OR7C1: variants seen among roughly 807,000 people sequenced by gnomAD.
OR7C1 encodes the protein olfactory receptor family 7 subfamily C member 1.
For missense variants in OR7C1, 324 were observed against 383.3 expected (o/e 0.85, Z 1.29); for synonymous variants, 152 against 160.7 (o/e 0.95, Z 0.41).
At chr19:14,832,351 A>T (rs1242948695) in intron 1 of OR7C1, among the ~76,000 whole-genome samples, 1 of 151,698 alleles carries the variant, frequency 6.6e-6, no homozygotes, top group African/African-American at 2.4e-5. Flanking sequence ...GTTACCATGG[A>T]TGTTCACTTA....
At chr19:14,829,874 T>A (rs898694154) in intron 1 of OR7C1, among the ~76,000 whole-genome samples, 1 of 152,124 alleles carries the variant, frequency 6.6e-6, no homozygotes, top group African/African-American at 2.4e-5. Flanking sequence ...CACACACATA[T>A]ACACATGCAG....
chr19:14,799,003 C>A lies in OR7C1; in HGVS notation c.*171G>T, dbSNP rs74705300. 9.7e-3 allele frequency: 6,825 copies of A among 701,014 alleles called. 102 individuals are homozygous for A. The highest frequency in any genetic ancestry group is 0.053 in the African/African-American group (2,866 of 54,514). 43.4% of individuals were successfully genotyped at this position (701,014 alleles called of 1,614,324 possible). A position where few individuals can be genotyped will look rare whatever the true frequency, so the allele number is the denominator to read the frequency against. On this transcript the variant is annotated 3_prime_UTR_variant, in exon 5 of 5. Coordinates refer to ENST00000641666, the Ensembl canonical transcript of OR7C1. ...GGGCTGCTTTTTGTTAACGGGGAAA[C>A]CTTGCCAAGGACTCTGTGGCCCTCC...
At chr19:14,807,441 C>A (rs1259563295) in intron 2 of OR7C1, among the ~76,000 whole-genome samples, 1 of 151,888 alleles carries the variant, frequency 6.6e-6, no homozygotes, top group Non-Finnish European at 1.5e-5. Flanking sequence ...TGATGGGAAT[C>A]CTGGAATCCT....
At chr19:14,816,829 A>T (rs2044718473) in intron 1 of OR7C1, among the ~76,000 whole-genome samples, 1 of 152,212 alleles carries the variant, frequency 6.6e-6, no homozygotes, top group Non-Finnish European at 1.5e-5. Flanking sequence ...CAGGTGAGTT[A>T]TTGGAGAAGG....
chr19:14,803,525 C>T (rs1352591778), intron 2 of OR7C1, among the ~76,000 whole-genome samples: 9 of 151,960 alleles, frequency 5.9e-5, no homozygotes, highest in African/African-American at 2.2e-4. Context: ...ACAGCCTTTT[C>T]CTATTTGTCA....
At chr19:14,826,237 A>G (rs1200249243) in intron 1 of OR7C1, 1 of 152,196 alleles carries the variant, frequency 6.6e-6, no homozygotes, top group South Asian at 2.1e-4. Context: ...GGAGAAGCTC[A>G]AGGTTTTGTG....
exon 5 of OR7C1, chr19:14,800,037 T>C (rs1657091674): frequency 1.2e-6 from 2 of 1,614,032 alleles, no homozygotes; most frequent in Non-Finnish European, 1.7e-6. Flanking sequence ...ACTAGGTACA[T>C]GGAGAGGAAC....
intron 1 of OR7C1, among the ~76,000 whole-genome samples, chr19:14,820,328 T>A (rs1474332258): frequency 3.1e-5 from 4 of 127,726 alleles, no homozygotes; most frequent in Non-Finnish European, 4.7e-5. Flanking sequence ...GTTCTTAATT[T>A]AAAAAAATGT....
At chr19:14,831,302 T>C (rs1393101940) in intron 1 of OR7C1, among the ~76,000 whole-genome samples, 1 of 152,228 alleles carries the variant, frequency 6.6e-6, no homozygotes. Context: ...CATTTTTATA[T>C]GAAACAGTAA....
At chr19:14,826,180 C>T (rs74753665) in intron 1 of OR7C1, 1 of 152,120 alleles carries the variant, frequency 6.6e-6, no homozygotes, top group Non-Finnish European at 1.5e-5. Flanking sequence ...GTGTGAGTCA[C>T]CCTTTTCACC....
rs553601391 is a variant in OR7C1, at chr19:14,802,332, C to T, written c.-434-1568G>A. ...GTCAGGAGTTCGAGACCAGCCTGGG[C>T]GACATGGTGAAACCCCGTCTCTACT... On this transcript the variant is annotated intron_variant, in intron 2 of 4. Transcript: ENST00000641666. Among the ~76,000 whole-genome samples, 317 of 152,218 alleles carry T rather than the reference C, an allele frequency of 2.1e-3. 1 individual carries two copies. The highest frequency in any genetic ancestry group is 7.1e-3 in the African/African-American group (294 of 41,528).
chr19:14,821,365 G>T (rs764217773), intron 1 of OR7C1: 1 of 152,230 alleles, frequency 6.6e-6, no homozygotes, highest in Non-Finnish European at 1.5e-5. Flanking sequence ...ATGAAATTCT[G>T]CTCAGGGTAT....
intron 1 of OR7C1, among the ~76,000 whole-genome samples, chr19:14,832,391 C>T (rs2044841719): frequency 6.7e-6 from 1 of 150,366 alleles, no homozygotes; most frequent in African/African-American, 2.4e-5. Context: ...CCCTCCCTCC[C>T]TCCCTTCCTT....
At chr19:14,808,622 A>T (rs1224798865) in intron 2 of OR7C1, among the ~76,000 whole-genome samples, 1 of 82,038 alleles carries the variant, frequency 1.2e-5, no homozygotes, top group African/African-American at 4.8e-5. Context: ...GACTCCAAAA[A>T]GTGGGAGGGT....
At chr19:14,812,925 C>T (rs988294808) in intron 1 of OR7C1, among the ~76,000 whole-genome samples, 3 of 151,856 alleles carry the variant, frequency 2.0e-5, no homozygotes, top group African/African-American at 7.3e-5. Flanking sequence ...ATTAGCCAGG[C>T]AAAGTGGTGC....
At chr19:14,811,875 C>T (rs1405050693) in intron 1 of OR7C1, among the ~76,000 whole-genome samples, 2 of 152,006 alleles carry the variant, frequency 1.3e-5, no homozygotes, top group East Asian at 1.9e-4. Flanking sequence ...TTCACTTGCT[C>T]ACCTGCTGCT....
intron 2 of OR7C1, among the ~76,000 whole-genome samples, chr19:14,801,491 T>G (rs769691711): frequency 6.6e-6 from 1 of 152,190 alleles, no homozygotes; most frequent in Non-Finnish European, 1.5e-5. Context: ...GTTAAAAAAT[T>G]TTATAGGTAC....
At chr19:14,833,615 T>A (rs1452956695) in intron 1 of OR7C1, among the ~76,000 whole-genome samples, 1 of 152,266 alleles carries the variant, frequency 6.6e-6, no homozygotes, top group African/African-American at 2.4e-5. Flanking sequence ...AAGAATATTT[T>A]AAACTTTTTA....
intron 2 of OR7C1, among the ~76,000 whole-genome samples, chr19:14,804,664 C>T (rs929396975): frequency 6.6e-6 from 1 of 151,714 alleles, no homozygotes; most frequent in Non-Finnish European, 1.5e-5. Flanking sequence ...ATAAACGAGT[C>T]GCAGGATAAC....
Sources: gnomAD v4.1 joint callset for allele counts (sites outside exome capture counted in the v4.1 genomes callset) on GRCh38, gnomAD v4.1.1 for gene constraint, MANE v1.5 for transcripts, NCBI Gene and HGNC (gene_info 2026-07-23, HGNC 2026-07-21) for gene names.